CISD1: variants seen among roughly 807,000 people sequenced by gnomAD.
CISD1 encodes CDGSH iron sulfur domain 1.
CISD1 carries 8 observed loss-of-function variants against 12.0 expected under a neutral mutation model. That is an observed-to-expected ratio of 0.67 (90% confidence interval 0.39 to 1.20). The LOEUF (loss-of-function observed/expected upper bound fraction) is 1.20. CISD1 is among the 50% of genes most tolerant of loss of function. The pLI is 0.01. For missense variants in CISD1, 107 were observed against 132.7 expected (o/e 0.81, Z 0.95); for synonymous variants, 38 against 42.2 (o/e 0.90, Z 0.39).
At chr10:58,280,023 A>C (rs72797408) in intron 2 of CISD1, among the ~76,000 whole-genome samples, 1 of 152,358 alleles carries the variant, frequency 6.6e-6, no homozygotes, top group Non-Finnish European at 1.5e-5. Context: ...CTTCTGGGAA[A>C]GCATAGTCAT....
At chr10:58,281,008 A>G (rs1251952500) in intron 2 of CISD1, among the ~76,000 whole-genome samples, 1 of 152,264 alleles carries the variant, frequency 6.6e-6, no homozygotes, top group African/African-American at 2.4e-5. Context: ...GCAACAGTGA[A>G]TGGAAAGAAA....
At chr10:58,287,400 A>G (rs1457942536) in intron 2 of CISD1, among the ~76,000 whole-genome samples, 161 bp from the exon 3 acceptor site, 3 of 152,200 alleles carry the variant, frequency 2.0e-5, no homozygotes, top group Admixed American at 6.5e-5. Context: ...TCTTCATCTT[A>G]CTAAGTAGCA....
At chr10:58,283,810 T>C (rs914921880) in intron 2 of CISD1, among the ~76,000 whole-genome samples, 4 of 152,208 alleles carry the variant, frequency 2.6e-5, no homozygotes, top group African/African-American at 9.7e-5. Flanking sequence ...AGTGTTCAAA[T>C]TGGGTTAACA....
intron 1 of CISD1, among the ~76,000 whole-genome samples, chr10:58,272,884 A>T (rs1247938087): frequency 2.0e-5 from 3 of 152,162 alleles, no homozygotes; most frequent in Non-Finnish European, 4.4e-5. Context: ...GCACCACTGC[A>T]CTCCAGCCTG....
rs1170083884 is a variant in CISD1 at position 58,288,286 on chromosome 10, A to G, written c.*636A>G. 1 of 152,362 alleles carries G rather than the reference A, an allele frequency of 6.6e-6. No homozygotes were observed. The highest frequency in any genetic ancestry group is 1.9e-4 in the East Asian group (1 of 5,340). The allele number at this position is 152,362 out of a possible 1,614,324, so 9.4% of individuals were successfully genotyped here. A position where few individuals can be genotyped will look rare whatever the true frequency, so the allele number is the denominator to read the frequency against. On this transcript the variant is annotated 3_prime_UTR_variant, in exon 3 of 3. Transcript: ENST00000333926. Reference sequence around the variant, plus strand: ...TATTTATCTTCACAGATATTTAATGAAGATGGATCCATTAAAGGAGCCAAT... The same window carrying G: ...TATTTATCTTCACAGATATTTAATGGAGATGGATCCATTAAAGGAGCCAAT...
intron 1 of CISD1, among the ~76,000 whole-genome samples, chr10:58,269,846 G>T (rs975426863): frequency 3.3e-5 from 5 of 152,150 alleles, no homozygotes; most frequent in Admixed American, 1.3e-4. Context: ...CTGACACTCG[G>T]TGGCAGTAGT....
chr10:58,271,513 C>T (rs1459449735), intron 1 of CISD1, among the ~76,000 whole-genome samples: 1 of 151,922 alleles, frequency 6.6e-6, no homozygotes, highest in Non-Finnish European at 1.5e-5. Context: ...TTAGATCACA[C>T]ACAAGTTTGG....
intron 2 of CISD1, among the ~76,000 whole-genome samples, chr10:58,287,064 G>A (rs907488663): frequency 1.3e-5 from 2 of 152,056 alleles, no homozygotes; most frequent in Non-Finnish European, 1.5e-5. Context: ...GGGATTATGC[G>A]CACTCGCCAC....
chr10:58,275,388 A>C (rs1195923490), intron 1 of CISD1, among the ~76,000 whole-genome samples: 1 of 152,230 alleles, frequency 6.6e-6, no homozygotes, highest in African/African-American at 2.4e-5. Flanking sequence ...GCAAAATTGT[A>C]GACCTGCTTG....
chr10:58,273,920 G>C (rs1288156893), intron 1 of CISD1, among the ~76,000 whole-genome samples: 1 of 152,124 alleles, frequency 6.6e-6, no homozygotes, highest in African/African-American at 2.4e-5. Context: ...GATCACCTGA[G>C]GTCAGGAGTT....
At chr10:58,281,444 A>G (rs867046193) in intron 2 of CISD1, among the ~76,000 whole-genome samples, 4 of 151,970 alleles carry the variant, frequency 2.6e-5, no homozygotes, top group African/African-American at 9.7e-5. Flanking sequence ...CTGAATTTTC[A>G]TTGCATCTTG....
intron 1 of CISD1, 79 bp downstream of exon 1, chr10:58,269,383 C>G: frequency 7.6e-7 from 1 of 1,322,400 alleles, no homozygotes; most frequent in Non-Finnish European, 1.1e-6. Flanking sequence ...GGTTGTTTTA[C>G]CACTGCCCTA....
intron 2 of CISD1, 57 bp from the exon 3 acceptor site, chr10:58,287,504 C>G: frequency 7.8e-7 from 1 of 1,274,924 alleles, no homozygotes; most frequent in South Asian, 1.4e-5. Flanking sequence ...TCCACTCTGC[C>G]GAGCATAATA....
At chr10:58,286,095 C>G (rs1233903664) in intron 2 of CISD1, among the ~76,000 whole-genome samples, 2 of 151,310 alleles carry the variant, frequency 1.3e-5, no homozygotes, top group Non-Finnish European at 3.0e-5. Flanking sequence ...GTCCCAGCTA[C>G]TCAGGAGTCT....
intron 1 of CISD1, among the ~76,000 whole-genome samples, chr10:58,274,474 G>C (rs1429192192): frequency 7.4e-6 from 1 of 135,524 alleles, no homozygotes; most frequent in Admixed American, 7.5e-5. Context: ...TTTACTTCTG[G>C]GAACTGTTGC....
At chr10:58,284,537 A>G (rs552493313) in intron 2 of CISD1, among the ~76,000 whole-genome samples, 1 of 152,322 alleles carries the variant, frequency 6.6e-6, no homozygotes, top group South Asian at 2.1e-4. Context: ...TTTATTAACA[A>G]ATAACCAGGA....
intron 2 of CISD1, 21 bp from the exon 3 acceptor site, chr10:58,287,540 A>G: frequency 6.4e-7 from 1 of 1,560,888 alleles, no homozygotes; most frequent in Non-Finnish European, 8.8e-7. Context: ...GATGTTTCAC[A>G]TTCATTCTTT....
intron 2 of CISD1, among the ~76,000 whole-genome samples, chr10:58,285,512 C>T (rs1324734774): frequency 1.3e-5 from 2 of 152,054 alleles, no homozygotes; most frequent in Admixed American, 6.5e-5. Flanking sequence ...AACAGTGAAA[C>T]TCTAGATTCT....
At chr10:58,269,706 A>C (rs1189322953) in intron 1 of CISD1, among the ~76,000 whole-genome samples, 1 of 152,230 alleles carries the variant, frequency 6.6e-6, no homozygotes, top group Non-Finnish European at 1.5e-5. Context: ...GTCGGGCCAC[A>C]ACGTCGATTT....
Sources: allele counts gnomAD v4.1 joint callset (sites outside exome capture counted in the v4.1 genomes callset), GRCh38; gene constraint gnomAD v4.1.1; transcripts MANE v1.5; gene names NCBI Gene and HGNC (gene_info 2026-07-23, HGNC 2026-07-21).